Variants in ENTREP2 observed in about 807,000 individuals in gnomAD.
ENTREP2 encodes protein ENTREP2.
the ENTREP2 span, among the ~76,000 whole-genome samples, chr15:29,484,606 C>T: frequency 1.1e-3 from 169 of 152,212 alleles, no homozygotes; most frequent in Non-Finnish European, 1.9e-3. Context: ...ATTTGCTTGT[C>T]TTTTACTGAG....
At chr15:29,643,102 G>A in the ENTREP2 span, among the ~76,000 whole-genome samples, 2 of 152,082 alleles carry the variant, frequency 1.3e-5, no homozygotes, top group East Asian at 1.9e-4. Flanking sequence ...CACAACCTTG[G>A]ATTAAGCAAC....
the ENTREP2 span, among the ~76,000 whole-genome samples, chr15:29,501,804 T>C: frequency 6.6e-6 from 1 of 151,906 alleles, no homozygotes; most frequent in African/African-American, 2.4e-5. Flanking sequence ...ACATACATAT[T>C]AAAGCTAATA....
At chr15:29,518,707 G>C in the ENTREP2 span, among the ~76,000 whole-genome samples, 1 of 152,154 alleles carries the variant, frequency 6.6e-6, no homozygotes, top group East Asian at 1.9e-4. Context: ...TATAACCACA[G>C]GGGGAAACCC....
chr15:29,580,670 G>C, the ENTREP2 span, among the ~76,000 whole-genome samples: 1 of 152,298 alleles, frequency 6.6e-6, no homozygotes, highest in Non-Finnish European at 1.5e-5. Context: ...GGTAGACTAA[G>C]AGCAGAATAC....
At chr15:29,210,958 C>T in the ENTREP2 span, among the ~76,000 whole-genome samples, 1 of 152,128 alleles carries the variant, frequency 6.6e-6, no homozygotes, top group South Asian at 2.1e-4. Flanking sequence ...GACACCTGTG[C>T]TTCAAATGCA....
the ENTREP2 span, among the ~76,000 whole-genome samples, chr15:29,444,354 C>A: frequency 1.3e-5 from 2 of 152,132 alleles, no homozygotes; most frequent in Middle Eastern, 3.2e-3. Flanking sequence ...CACGGCTATC[C>A]GTTGCGGGGT....
chr15:29,526,053 A>G, the ENTREP2 span, among the ~76,000 whole-genome samples: 1 of 152,208 alleles, frequency 6.6e-6, no homozygotes, highest in Non-Finnish European at 1.5e-5. Flanking sequence ...CAATGGGTAG[A>G]TTTAATATGC....
chr15:29,210,056 G>C, the ENTREP2 span, among the ~76,000 whole-genome samples: 3 of 152,118 alleles, frequency 2.0e-5, no homozygotes, highest in Non-Finnish European at 4.4e-5. Flanking sequence ...ATCCAGGAGA[G>C]ACTGCCCTCC....
At chr15:29,169,229 AT>A in the ENTREP2 span, among the ~76,000 whole-genome samples, 1 of 152,250 alleles carries the variant, frequency 6.6e-6, no homozygotes, top group Non-Finnish European at 1.5e-5. Flanking sequence ...CTTTAAAACA[AT>A]GTTGAACAAA....
the ENTREP2 span, among the ~76,000 whole-genome samples, chr15:29,270,475 C>G: frequency 6.6e-6 from 1 of 152,022 alleles, no homozygotes; most frequent in South Asian, 2.1e-4. Context: ...ATGGGTTTAT[C>G]TTTTGGAAAA....
the ENTREP2 span, chr15:29,123,641 A>G: frequency 6.5e-7 from 1 of 1,549,370 alleles, no homozygotes; most frequent in Non-Finnish European, 8.7e-7. Context: ...GCCGTGGCAG[A>G]GCGAGACATG....
chr15:29,527,416 A>G, the ENTREP2 span, among the ~76,000 whole-genome samples: 1 of 152,322 alleles, frequency 6.6e-6, no homozygotes, highest in Non-Finnish European at 1.5e-5. Flanking sequence ...AGTCTTTAGG[A>G]AAACAAATCT....
chr15:29,657,495 G>A, the ENTREP2 span, among the ~76,000 whole-genome samples: 1 of 99,418 alleles, frequency 1.0e-5, no homozygotes, highest in African/African-American at 3.5e-5. Flanking sequence ...GGGGGGGGGG[G>A]TGGCCAGCTT....
chr15:29,276,740 C>A, the ENTREP2 span, among the ~76,000 whole-genome samples: 1 of 152,226 alleles, frequency 6.6e-6, no homozygotes, highest in African/African-American at 2.4e-5. Flanking sequence ...ATTACTAAAG[C>A]ATCTCCTTTT....
At chr15:29,194,125 A>G in the ENTREP2 span, among the ~76,000 whole-genome samples, 1 of 152,262 alleles carries the variant, frequency 6.6e-6, no homozygotes, top group African/African-American at 2.4e-5. Context: ...TCTAAAATTT[A>G]TATGGAATTA....
At chr15:29,234,027 G>T in the ENTREP2 span, 2 of 1,475,016 alleles carry the variant, frequency 1.4e-6, no homozygotes, top group Non-Finnish European at 1.9e-6. Context: ...CCACCTCTGG[G>T]TCAAGATCTT....
chr15:29,588,888 A>T, the ENTREP2 span, among the ~76,000 whole-genome samples: 1 of 151,762 alleles, frequency 6.6e-6, no homozygotes, highest in Non-Finnish European at 1.5e-5. Context: ...ACTCAGGAGG[A>T]TGAAGTGAGA....
chr15:29,159,250 C>T, the ENTREP2 span, among the ~76,000 whole-genome samples: 1 of 151,802 alleles, frequency 6.6e-6, no homozygotes, highest in Non-Finnish European at 1.5e-5. Context: ...AGTGTTACAG[C>T]TCTTAAGGCG....
chr15:29,565,981 G>T, the ENTREP2 span, among the ~76,000 whole-genome samples: 1 of 151,242 alleles, frequency 6.6e-6, no homozygotes, highest in Non-Finnish European at 1.5e-5. Flanking sequence ...AGAAAGAAAA[G>T]AAACATTTTC....
Sources: allele counts gnomAD v4.1 joint callset (sites outside exome capture counted in the v4.1 genomes callset), GRCh38; gene constraint gnomAD v4.1.1; transcripts MANE v1.5; gene names NCBI Gene and HGNC (gene_info 2026-07-23, HGNC 2026-07-21).